The following WDPCP variants were observed in gnomAD, a reference collection of about 807,000 sequenced individuals.
WDPCP encodes the protein WD repeat-containing and planar cell polarity effector protein fritz homolog.
In WDPCP, 71 loss-of-function variants were observed where a neutral mutation model predicts 93.1. The observed-to-expected ratio is 0.76, with a 90% confidence interval of 0.63 to 0.93. The LOEUF (loss-of-function observed/expected upper bound fraction) is 0.93, where lower values mean the gene tolerates loss of function less well. Ranked by LOEUF, WDPCP falls within the 40% of genes least tolerant of loss-of-function variation. The pLI is 0.00. For synonymous variants in WDPCP, 315 were observed against 315.0 expected (o/e 1.00, Z 0.00); for missense variants, 844 against 887.4 (o/e 0.95, Z 0.62).
At chr2:63,803,262 G>A (rs1046692701) in intron 2 of WDPCP, among the ~76,000 whole-genome samples, 2 of 152,250 alleles carry the variant, frequency 1.3e-5, no homozygotes, top group East Asian at 1.9e-4. Context: ...AGTATGACCT[G>A]TGTATTTTAA....
At position 63,498,050 on chromosome 2, in the gene WDPCP, A is replaced by T. The variant is rs138311052; in HGVS notation, c.76-5110T>A. ...TAATAAAAGTAGCTGTACTGGGAGA[A>T]ATTAATGAAAGAATGAAAGAATAAA... is the stretch of plus-strand genomic sequence containing the variant. On this transcript the variant is annotated intron_variant, in intron 1 of 17. Transcript: ENST00000272321. 1.9e-3 allele frequency among the ~76,000 whole-genome samples: 288 copies of T among 152,296 alleles called. 2 individuals carry two copies. Among genetic ancestry groups the T allele is most frequent in the African/African-American group, 6.4e-3 (264 of 41,540 alleles).
chr2:63,208,030 T>G lies in WDPCP; in HGVS notation c.1916-33198A>C, dbSNP rs978151095. On this transcript the variant is annotated intron_variant, in intron 14 of 17. Transcript: ENST00000272321. ...GTTAATGTTCATTTCTAACATGATT[T>G]TTTTGTTTCTTATTCTTTCATTCTC... Among the ~76,000 whole-genome samples, 3 of 152,148 alleles carry G rather than the reference T, an allele frequency of 2.0e-5. No individual in the cohort carries two copies. In the East Asian group the frequency reaches 5.8e-4, roughly 29 times the overall value.
rs529963132 is a variant in WDPCP at position 63,443,444 on chromosome 2, A to G, written c.385-3573T>C. 2.7e-4 allele frequency among the ~76,000 whole-genome samples: 41 copies of G among 152,312 alleles called. No homozygotes were observed. The Middle Eastern group carries it at 0.01, about 38-fold the overall frequency. ...TATCTGGAGAAAAGGAGTTCGAGGC[A>G]GAGAGAAGAGCTAATGCAAAAACTC... On this transcript the variant is annotated intron_variant, in intron 6 of 17. Transcript: ENST00000272321.
chr2:63,418,389 A>G (rs1298150350), intron 9 of WDPCP, among the ~76,000 whole-genome samples: 1 of 152,230 alleles, frequency 6.6e-6, no homozygotes, highest in Non-Finnish European at 1.5e-5. Context: ...GAGAAAGAAG[A>G]ATCCAAAAAG....
At chr2:63,466,729 G>A in intron 6 of WDPCP, among the ~76,000 whole-genome samples, 1 of 152,190 alleles carries the variant, frequency 6.6e-6, no homozygotes, top group Non-Finnish European at 1.5e-5. Context: ...CAAGAGAGGA[G>A]TTAGATTATT....
At chr2:63,313,900 G>A (rs1378595030) in intron 12 of WDPCP, among the ~76,000 whole-genome samples, 1 of 101,838 alleles carries the variant, frequency 9.8e-6, no homozygotes, top group Non-Finnish European at 2.3e-5. Context: ...TTTTTTTTTT[G>A]GAGATGGAGT....
chr2:63,684,523 A>G lies in WDPCP; in HGVS notation n.309-33685T>C, dbSNP rs370528741. On this transcript the variant is annotated intron_variant and non_coding_transcript_variant, in intron 2 of 4. Transcript: ENST00000467687. ...GGTCAAAGATCAAGTCTTTTGTGAG[A>G]GTTTATAACTATAATCACCTAATGC... 1.7e-4 allele frequency: 125 copies of G among 730,188 alleles called. No individual in the cohort carries two copies. In the African/African-American group the frequency reaches 1.9e-3, roughly 11 times the overall value. The allele number at this position is 730,188 out of a possible 1,614,324, so 45.2% of individuals were successfully genotyped here. A position where few individuals can be genotyped will look rare whatever the true frequency, so the allele number is the denominator to read the frequency against.
rs1669503984 is a variant in WDPCP, at chr2:63,120,734, C to T, written c.*1272G>A. Among the ~76,000 whole-genome samples, 1 of 151,184 alleles carries T rather than the reference C, an allele frequency of 6.6e-6. No homozygotes were observed. ...TATTTTTAGTAGAGACGGGGTTTCA[C>T]CATGTTGTCTAGGATGGTCTCCATC... On this transcript the variant is annotated 3_prime_UTR_variant, in exon 18 of 18. Transcript: ENST00000272321.
At chr2:63,268,577 C>T (rs1450599118) in intron 13 of WDPCP, among the ~76,000 whole-genome samples, 1 of 152,118 alleles carries the variant, frequency 6.6e-6, no homozygotes, top group Non-Finnish European at 1.5e-5. Context: ...GGTGATCCTC[C>T]CATCTCAGCC....
intron 13 of WDPCP, among the ~76,000 whole-genome samples, chr2:63,276,830 T>G (rs564016437): frequency 6.6e-6 from 1 of 152,310 alleles, no homozygotes; most frequent in Non-Finnish European, 1.5e-5. Context: ...GAAAACTTCC[T>G]TAGCCTTGCT....
At chr2:63,529,367 T>G (rs1310455396) in intron 1 of WDPCP, among the ~76,000 whole-genome samples, 1 of 152,228 alleles carries the variant, frequency 6.6e-6, no homozygotes, top group African/African-American at 2.4e-5. Context: ...TAAATAGCTT[T>G]TATTACTTTG....
intron 2 of WDPCP, among the ~76,000 whole-genome samples, chr2:63,758,289 C>T (rs756173783): frequency 2.0e-5 from 3 of 151,596 alleles, no homozygotes; most frequent in Non-Finnish European, 4.4e-5. Context: ...ATAAGTACTC[C>T]GTGGCAGCAA....
chr2:63,266,195 T>C (rs1274535522), intron 13 of WDPCP, among the ~76,000 whole-genome samples: 2 of 152,204 alleles, frequency 1.3e-5, no homozygotes, highest in Admixed American at 6.5e-5. Flanking sequence ...AGTATCCTTA[T>C]AGGAAAGGAA....
chr2:63,533,764 T>C (rs1213330134), intron 1 of WDPCP, among the ~76,000 whole-genome samples: 2 of 151,754 alleles, frequency 1.3e-5, no homozygotes, highest in Non-Finnish European at 2.9e-5. Context: ...GCAGCAGAGA[T>C]CTAAAATCGA....
At chr2:63,331,919 A>T (rs978979444) in intron 12 of WDPCP, among the ~76,000 whole-genome samples, 3 of 151,102 alleles carry the variant, frequency 2.0e-5, no homozygotes, top group African/African-American at 4.9e-5. Context: ...GCTAGCTTTT[A>T]AAAAAAAATT....
intron 3 of WDPCP, among the ~76,000 whole-genome samples, chr2:63,611,003 T>G (rs1709607417): frequency 1.3e-5 from 2 of 152,020 alleles, no homozygotes; most frequent in South Asian, 4.2e-4. Context: ...GAGGCTGAGG[T>G]GGGAGGATTA....
chr2:63,464,587 T>C (rs1181553956), intron 6 of WDPCP, among the ~76,000 whole-genome samples: 1 of 151,936 alleles, frequency 6.6e-6, no homozygotes, highest in African/African-American at 2.4e-5. Context: ...TGCACACTCA[T>C]CTTCATAGAT....
At chr2:63,319,983 T>C (rs971699161) in intron 12 of WDPCP, among the ~76,000 whole-genome samples, 1 of 152,076 alleles carries the variant, frequency 6.6e-6, no homozygotes, top group African/African-American at 2.4e-5. Flanking sequence ...AAAGAAGAAA[T>C]CATAATAGAA....
intron 14 of WDPCP, among the ~76,000 whole-genome samples, chr2:63,196,533 G>A (rs1675447082): frequency 6.6e-6 from 1 of 152,158 alleles, no homozygotes; most frequent in Non-Finnish European, 1.5e-5. Flanking sequence ...ACAACTTAAA[G>A]CAAAAGGAAG....
Sources: allele counts gnomAD v4.1 joint callset (sites outside exome capture counted in the v4.1 genomes callset), GRCh38; gene constraint gnomAD v4.1.1; transcripts MANE v1.5; gene names NCBI Gene and HGNC (gene_info 2026-07-23, HGNC 2026-07-21).